Variants in CEP290 observed in about 807,000 individuals in gnomAD.
CEP290 encodes centrosomal protein 290.
In CEP290, 317 loss-of-function variants were observed where a neutral mutation model predicts 344.9. The observed-to-expected ratio is 0.92, with a 90% CI of 0.84 to 1.01. The LOEUF is 1.01. Among genes scored for constraint, CEP290 ranks in the 50% least tolerant of loss-of-function variants. CEP290 has a pLI of 0.00. For missense variants in CEP290, 2,754 were observed against 2,761.4 expected, an observed-to-expected ratio of 1.00 and a Z score of 0.06; for synonymous variants, 932 against 895.8, an observed-to-expected ratio of 1.04 and a Z score of -0.72.
At chr12:88,135,646 G>T (rs1412421024) in intron 6 of CEP290, 1 of 152,124 alleles carries the variant, frequency 6.6e-6, no homozygotes, top group Non-Finnish European at 1.5e-5. Context: ...ATACATACAT[G>T]AAGAATGGGG....
At position 88,111,325 on chromosome 12, in the gene CEP290, A is replaced by C; in HGVS notation, c.2244T>G (p.Ser748Arg). 1.9e-6 allele frequency: 3 copies of C among 1,562,420 alleles called. No homozygotes were observed. Among genetic ancestry groups the C allele is most frequent in the Non-Finnish European group, 2.6e-6 (3 of 1,155,158 alleles). Residue 748 changes from serine (S) to arginine (R), a missense_variant, in exon 22 of 54, where the codon AGT becomes AGG. Physicochemically the swap from Ser to Arg is moderately radical, Grantham distance 110. Coordinates refer to ENST00000552810, the MANE Select transcript of CEP290 (RefSeq NM_025114.4). ...TTGATCCTTCTGATTGTCGTAAAAGACTAGTTTCTTTTTCAAGATGGTCTA... is the reference window on the plus strand; with the variant it reads ...TTGATCCTTCTGATTGTCGTAAAAGCCTAGTTTCTTTTTCAAGATGGTCTA... ...LKIDHLEKET[S>R]LLRQSEGSNV...
chr12:88,054,227 G>A (rs1297486906), intron 51 of CEP290, 113 bp downstream of exon 51: 53 of 668,954 alleles, frequency 7.9e-5, no homozygotes, highest in Middle Eastern at 3.9e-4. Flanking sequence ...AGCCTGTTAG[G>A]CAGTAAAGTC....
chr12:88,100,919 C>T (rs1443489186), intron 26 of CEP290, among the ~76,000 whole-genome samples: 2 of 152,136 alleles, frequency 1.3e-5, no homozygotes, highest in Non-Finnish European at 2.9e-5. Flanking sequence ...GGTCAGAAAA[C>T]TCAGCTAGTT....
Position 88,125,237 on chromosome 12 carries a change from T to A in CEP290, c.1189+9A>T. The A allele has an allele frequency of 1.4e-6, 1 of 736,014 alleles. No individual in the cohort carries two copies. Among genetic ancestry groups the A allele is most frequent in the East Asian group, 3.4e-5 (1 of 29,660 alleles). 45.6% of individuals were successfully genotyped at this position (736,014 alleles called of 1,614,324 possible). A position where few individuals can be genotyped will look rare whatever the true frequency, so the allele number is the denominator to read the frequency against. ...TGTATATAAAATAACTATATATTTA[T>A]AAAAATACCTTTGTTTCTTTGGAGC... On this transcript the variant is annotated intron_variant, in intron 13 of 53. Coordinates refer to ENST00000552810, the MANE Select transcript of CEP290 (RefSeq NM_025114.4).
At position 88,120,271 on chromosome 12, in the gene CEP290, T is replaced by C; in HGVS notation, c.1365A>G (p.Val455=). Residue 455 remains valine (V), a synonymous_variant, in exon 15 of 54, where the codon GTA becomes GTG. Transcript: ENST00000552810. ...LKRLKDYESG[V]YGLEDAVVEI... ...CAACGACAGCATCTTCTAAACCATA[T>C]ACTCCCTGAAAAATATCCAATTTAA... is the stretch of plus-strand genomic sequence containing the variant. The C allele has an allele frequency of 3.0e-6, 4 of 1,326,764 alleles. No individual in the cohort carries two copies. Among genetic ancestry groups the C allele is most frequent in the Non-Finnish European group, 3.0e-6 (3 of 999,338 alleles). The allele number at this position is 1,326,764 out of a possible 1,614,324, so 82.2% of individuals were successfully genotyped here. A position where few individuals can be genotyped will look rare whatever the true frequency, so the allele number is the denominator to read the frequency against.
chr12:88,131,303 G>T, intron 6 of CEP290, 85 bp from the exon 7 acceptor site: 4 of 1,017,716 alleles, frequency 3.9e-6, no homozygotes, highest in Non-Finnish European at 5.5e-6. Flanking sequence ...AGTCTTTGTC[G>T]CCTAGGCTGG....
At chr12:88,122,387 G>T (rs1408957408) in intron 13 of CEP290, among the ~76,000 whole-genome samples, 1 of 152,122 alleles carries the variant, frequency 6.6e-6, no homozygotes, top group African/African-American at 2.4e-5. Flanking sequence ...TGGGGCAGAT[G>T]AAGGCAACAC....
At position 88,049,378 on chromosome 12, in the gene CEP290, A is replaced by G. The variant is rs559496805; in HGVS notation, c.7246T>C (p.Phe2416Leu). ...ATTTCTTCAAAAAATGAAGGATCAAAATTTTCCAGTTCTTTTTTCAGCTTC... is the reference window on the plus strand; with the variant it reads ...ATTTCTTCAAAAAATGAAGGATCAAGATTTTCCAGTTCTTTTTTCAGCTTC... The part of the protein sequence containing the change: ...IKKLKKELEN[F>L]DPSFFEEIED... The change falls in exon 54 of 54, where the codon TTT (phenylalanine) becomes CTT (leucine). Residue 2416 changes from phenylalanine (F) to leucine (L), a missense_variant. By Grantham distance (22) the Phe-to-Leu change is conservative (BLOSUM62 0). Transcript: ENST00000552810. 10 of 1,546,548 alleles carry G rather than the reference A, an allele frequency of 6.5e-6. No individual in the cohort carries two copies. The South Asian group carries it at 1.2e-4, about 18-fold the overall frequency.
In CEP290 at chr12:88,077,287, T is replaced by C. The variant is rs751440302; in HGVS notation, c.5644A>G (p.Lys1882Glu). The C allele has an allele frequency of 5.0e-6, 8 of 1,602,766 alleles. No individual in the cohort carries two copies. Among genetic ancestry groups the C allele is most frequent in the Non-Finnish European group, 6.8e-6 (8 of 1,174,866 alleles). Residue 1882 changes from lysine to glutamate, a missense_variant, in exon 41 of 54, where the codon AAA (lysine) becomes GAA (glutamate). Transcript: ENST00000552810. ...CCCTCTAATTGGTTCTCTAGTTTTTTAACTTTCCTTTGGAGTTCTTCAATT... is the reference window on the plus strand; with the variant it reads ...CCCTCTAATTGGTTCTCTAGTTTTTCAACTTTCCTTTGGAGTTCTTCAATT... ...SLIEELQRKV[K>E]KLENQLEGKV...
In CEP290 at chr12:88,118,725, A is replaced by G. The variant is rs756290676; in HGVS notation, c.1541T>C (p.Met514Thr). 6.2e-7 allele frequency: 1 copy of G among 1,612,084 alleles called. No individual in the cohort carries two copies. Among genetic ancestry groups the G allele is most frequent in the African/African-American group, 1.3e-5 (1 of 74,996 alleles). Residue 514 changes from methionine to threonine, a missense_variant, in exon 16 of 54, where the codon ATG becomes ACG. Met to Thr is a moderately conservative substitution (Grantham distance 81). Coordinates refer to ENST00000552810, the MANE Select transcript of CEP290 (RefSeq NM_025114.4). ...RERVGLEPKT[M>T]IDLTEFRNSK... ...ATTTCTAAATTCAGTTAAATCAATC[A>G]TTGTCTTTGGTTCAAGGCCTACAAT...
Position 88,086,432 on chromosome 12 carries a change from A to T in CEP290, c.4261T>A (p.Phe1421Ile). The T allele has an allele frequency of 1.9e-6, 3 of 1,599,618 alleles. No individual in the cohort carries two copies. The highest frequency in any genetic ancestry group is 2.6e-6 in the Non-Finnish European group (3 of 1,171,658). The change falls in exon 33 of 54, where the codon TTT becomes ATT. Residue 1421 changes from phenylalanine (F) to isoleucine (I), a missense_variant. By Grantham distance (21) the Phe-to-Ile change is conservative. Coordinates refer to ENST00000552810, the MANE Select transcript of CEP290 (RefSeq NM_025114.4). The stretch of plus-strand genomic sequence containing the variant: ...AGTATTTCATTTTGCTGACGGTCAA[A>T]AATGTCTAGTTGGCGTTCCAGGTCA... ...EVDLERQLDI[F>I]DRQQNEILNA...
At chr12:88,084,096 C>G in intron 35 of CEP290, 142 bp from the exon 36 acceptor site, 3 of 595,532 alleles carry the variant, frequency 5.0e-6, no homozygotes, top group Non-Finnish European at 8.7e-6. Context: ...ATGTATGTAT[C>G]TAGACTGGTA....
rs1008032153 is a variant in CEP290 at position 88,075,890 on chromosome 12, A to G, written c.5709+1332T>C. On this transcript the variant is annotated intron_variant, in intron 41 of 53. Transcript: ENST00000552810. ...GGCTTACAAAAGACTTCCGCATATC[A>G]TATCATTTTATGTAAAATAATCCTG... Among the ~76,000 whole-genome samples the G allele has an allele frequency of 5.3e-5, 8 of 152,218 alleles. No homozygotes were observed. In the East Asian group the frequency reaches 9.6e-4, roughly 18 times the overall value.
intron 26 of CEP290, among the ~76,000 whole-genome samples, chr12:88,098,694 C>T (rs879651944): frequency 5.9e-5 from 9 of 151,866 alleles, no homozygotes; most frequent in Admixed American, 1.3e-4. Context: ...TTAGATAGAG[C>T]GGTTGAAGGA....
Position 88,049,249 on chromosome 12 carries a change from G to A in CEP290, c.7375C>T (p.Pro2459Ser), listed in dbSNP as rs754398792. The A allele has an allele frequency of 1.8e-5, 29 of 1,609,046 alleles. No homozygotes were observed. In the Middle Eastern group the frequency reaches 8.6e-4, roughly 48 times the overall value. Residue 2459 changes from proline (P) to serine (S), a missense_variant, in exon 54 of 54, where the codon CCT becomes TCT. Pro to Ser is a moderately conservative substitution (Grantham distance 74, BLOSUM62 -1). Transcript: ENST00000552810. ...TCAAACTCTTCAGAAGCAGCAACAG[G>A]GCTAGTTAATTCAACTCCCAATTGT... Reference protein sequence around the residue: ...SEQLGVELTSPVAASEEFEDE... With the variant: ...SEQLGVELTSSVAASEEFEDE...
intron 22 of CEP290, among the ~76,000 whole-genome samples, chr12:88,110,520 G>A (rs1315170938): frequency 6.6e-6 from 1 of 151,982 alleles, no homozygotes; most frequent in Non-Finnish European, 1.5e-5. Context: ...AGACCAGCCT[G>A]GCCAATATGA....
At chr12:88,101,476 G>A (rs1175343211) in intron 26 of CEP290, among the ~76,000 whole-genome samples, 68 of 113,478 alleles carry the variant, frequency 6.0e-4, no homozygotes, top group African/African-American at 2.4e-3. Context: ...GCGAGACTCT[G>A]CCTCAAAAAA....
rs754728136 is a variant in CEP290, at chr12:88,071,904, CTAAT to C, written c.5728_5731del (p.Ile1910GlyfsTer12). On this transcript the variant is annotated frameshift_variant, in exon 42 of 54. Transcript: ENST00000552810. LOFTEE classifies it high-confidence loss of function. ...TTGCCACTTTTTACCTTCTTCCCACCTAATTAATTCTTCTTTAGCATTCTGTAAC... is the reference window on the plus strand; with the variant it reads ...TTGCCACTTTTTACCTTCTTCCCACCTAATTCTTCTTTAGCATTCTGTAAC... 15 of 1,596,608 alleles carry C rather than the reference CTAAT, an allele frequency of 9.4e-6. No homozygotes were observed. Among genetic ancestry groups the C allele is most frequent in the Non-Finnish European group, 6.8e-6 (8 of 1,173,444 alleles).
rs777697064 is a variant in CEP290, at chr12:88,128,913, G to T, written c.942+33C>A. On this transcript the variant is annotated intron_variant, in intron 11 of 53. Transcript: ENST00000552810. ...AAAATTTAAATCTAAAATACAAAAA[G>T]AAAAAGTTATTATGTCAATTGAAAA... The T allele has an allele frequency of 6.8e-6, 9 of 1,321,330 alleles. No individual in the cohort carries two copies. The African/African-American group carries it at 1.2e-4, about 18-fold the overall frequency. 81.9% of individuals were successfully genotyped at this position (1,321,330 alleles called of 1,614,324 possible).
Sources: allele counts gnomAD v4.1 joint callset (sites outside exome capture counted in the v4.1 genomes callset), GRCh38; gene constraint gnomAD v4.1.1; transcripts MANE v1.5; gene names NCBI Gene and HGNC (gene_info 2026-07-23, HGNC 2026-07-21).